Variants in CDC42EP3 observed in about 807,000 individuals in gnomAD.
The protein encoded by CDC42EP3 is CDC42 effector protein (Rho GTPase binding) 3.
Under a neutral mutation model 15.5 loss-of-function variants are expected in CDC42EP3, and 4 were observed. The ratio of observed to expected loss-of-function variants is 0.26; its 90% CI spans 0.13 to 0.59. The LOEUF (loss-of-function observed/expected upper bound fraction) is 0.59. Ranked by LOEUF, CDC42EP3 falls within the 20% of genes least tolerant of loss-of-function variation. The pLI is 0.89. For synonymous variants in CDC42EP3, 145 were observed against 130.3 expected, an observed-to-expected ratio of 1.11 and a Z score of -0.77; for missense variants, 309 against 311.2, an observed-to-expected ratio of 0.99 and a Z score of 0.05.
intron 1 of CDC42EP3, among the ~76,000 whole-genome samples, chr2:37,655,260 A>G (rs1229130094): frequency 6.6e-6 from 1 of 152,224 alleles, no homozygotes; most frequent in East Asian, 1.9e-4. Flanking sequence ...CTCACCTTCC[A>G]TTATTTTAAA....
rs192640254 is a variant in CDC42EP3, at chr2:37,653,202, G to A, written c.-235-6380C>T. On this transcript the variant is annotated intron_variant, in intron 1 of 1. Transcript: ENST00000295324. ...AGCTTGCCAGTCAGTCATGTGGCAG[G>A]TCAGAGAGAACACATGTGGCAGGCA... Among the ~76,000 whole-genome samples the A allele has an allele frequency of 3.3e-5, 5 of 152,282 alleles. No homozygotes were observed. In the East Asian group the frequency reaches 9.6e-4, roughly 29 times the overall value.
At chr2:37,652,904 C>G (rs1435383990) in intron 1 of CDC42EP3, among the ~76,000 whole-genome samples, 1 of 152,128 alleles carries the variant, frequency 6.6e-6, no homozygotes, top group Non-Finnish European at 1.5e-5. Context: ...TCTACTCCCA[C>G]TATCTTACCT....
intron 1 of CDC42EP3, among the ~76,000 whole-genome samples, chr2:37,667,530 G>C (rs1162609605): frequency 6.6e-6 from 1 of 152,072 alleles, no homozygotes; most frequent in Non-Finnish European, 1.5e-5. Context: ...TCACCATATA[G>C]TCCCACATTT....
At chr2:37,649,281 T>A (rs556587109) in intron 1 of CDC42EP3, among the ~76,000 whole-genome samples, 1 of 151,386 alleles carries the variant, frequency 6.6e-6, no homozygotes, top group South Asian at 2.1e-4. Flanking sequence ...TGGGACCTCA[T>A]CTCTACAAAA....
chr2:37,645,893 A>T lies in CDC42EP3; in HGVS notation c.695T>A (p.Leu232His). Residue 232 changes from leucine to histidine, a missense_variant, in exon 2 of 2, where the codon CTC becomes CAC. By Grantham distance (99) the Leu-to-His change is moderately conservative. Transcript: ENST00000295324. ...GGGCCCAAGATCAAGCTGCAGGGAGAGGAGGGAACCTGTAAGGTCAGAGAG... is the reference window on the plus strand; with the variant it reads ...GGGCCCAAGATCAAGCTGCAGGGAGTGGAGGGAACCTGTAAGGTCAGAGAG... ...ESLSDLTGSLLSLQLDLGPSL... is the reference protein window; with the variant it reads ...ESLSDLTGSLHSLQLDLGPSL... 6.2e-7 allele frequency: 1 copy of T among 1,603,842 alleles called. No homozygotes were observed. The highest frequency in any genetic ancestry group is 1.3e-5 in the African/African-American group (1 of 74,558).
intron 1 of CDC42EP3, among the ~76,000 whole-genome samples, chr2:37,649,963 G>C (rs78124974): frequency 0.013 from 1,956 of 152,290 alleles, 31 homozygotes; most frequent in African/African-American, 0.044. Flanking sequence ...TTTACTGCAT[G>C]ATGGGGCATA....
At chr2:37,668,254 C>G (rs1465909064) in intron 1 of CDC42EP3, among the ~76,000 whole-genome samples, 1 of 152,184 alleles carries the variant, frequency 6.6e-6, no homozygotes, top group Non-Finnish European at 1.5e-5. Flanking sequence ...GACCACTGTA[C>G]TATCTCTCTC....
intron 1 of CDC42EP3, among the ~76,000 whole-genome samples, chr2:37,661,648 C>T (rs1464012273): frequency 1.3e-5 from 2 of 152,154 alleles, no homozygotes; most frequent in African/African-American, 4.8e-5. Context: ...GCGTTATAAA[C>T]TGGACGGCAA....
rs1005952500 is a variant in CDC42EP3 at position 37,644,912 on chromosome 2, A to G, written c.*911T>C. 20 of 152,346 alleles carry G rather than the reference A, an allele frequency of 1.3e-4. No individual in the cohort carries two copies. The highest frequency in any genetic ancestry group is 2.8e-4 in the Non-Finnish European group (19 of 68,032). The allele number at this position is 152,346 out of a possible 1,614,324, so 9.4% of individuals were successfully genotyped here. On this transcript the variant is annotated 3_prime_UTR_variant, in exon 2 of 2. Transcript: ENST00000295324. ...AAGTATGTACTGTACTAAAATACCTATATTTCCAAATAACATATGTGGTGT... is the reference window on the plus strand; with the variant it reads ...AAGTATGTACTGTACTAAAATACCTGTATTTCCAAATAACATATGTGGTGT...
intron 1 of CDC42EP3, among the ~76,000 whole-genome samples, chr2:37,664,256 C>G (rs1666182645): frequency 6.6e-6 from 1 of 152,192 alleles, no homozygotes; most frequent in Non-Finnish European, 1.5e-5. Flanking sequence ...ATTTTTCTCC[C>G]GTGCTGGATG....
At chr2:37,647,522 GCTTCA>G (rs1665516821) in intron 1 of CDC42EP3, 1 of 152,236 alleles carries the variant, frequency 6.6e-6, no homozygotes, top group South Asian at 2.1e-4. Flanking sequence ...GAACAAAACT[GCTTCA>G]CTTCAAAGAG....
intron 1 of CDC42EP3, among the ~76,000 whole-genome samples, chr2:37,652,765 G>C (rs1665731583): frequency 6.6e-6 from 1 of 151,728 alleles, no homozygotes; most frequent in South Asian, 2.1e-4. Context: ...TAGAACAAGG[G>C]GTCTTGCCAT....
At chr2:37,650,112 C>G (rs2124614858) in intron 1 of CDC42EP3, among the ~76,000 whole-genome samples, 1 of 152,290 alleles carries the variant, frequency 6.6e-6, no homozygotes, top group East Asian at 1.9e-4. Context: ...GTTTGTGCTG[C>G]TGGGAAAGTA....
chr2:37,656,118 C>A (rs1665837882), intron 1 of CDC42EP3, among the ~76,000 whole-genome samples: 1 of 152,222 alleles, frequency 6.6e-6, no homozygotes, highest in Admixed American at 6.5e-5. Context: ...CTAGGGCTGT[C>A]TACAATAATC....
At chr2:37,663,194 C>CA (rs994059367) in intron 1 of CDC42EP3, among the ~76,000 whole-genome samples, 2 of 150,840 alleles carry the variant, frequency 1.3e-5, no homozygotes, top group African/African-American at 4.9e-5. Context: ...CAAAACAAAA[C>CA]AAAAAAAACA....
intron 1 of CDC42EP3, among the ~76,000 whole-genome samples, chr2:37,650,313 C>G (rs1395120742): frequency 6.6e-6 from 1 of 152,188 alleles, no homozygotes; most frequent in Non-Finnish European, 1.5e-5. Flanking sequence ...TGATCAGTTT[C>G]CCCTTCTGCT....
At position 37,653,897 on chromosome 2, in the gene CDC42EP3, G is replaced by A. The variant is rs149713568; in HGVS notation, c.-235-7075C>T. ...GCGGCTCTGTTCTTTTCTCCTCCTTGCAGGAAGTGAGCCTGCATCCGACTT... is the reference window on the plus strand; with the variant it reads ...GCGGCTCTGTTCTTTTCTCCTCCTTACAGGAAGTGAGCCTGCATCCGACTT... On this transcript the variant is annotated intron_variant, in intron 1 of 1. Transcript: ENST00000295324. 2.7e-3 allele frequency among the ~76,000 whole-genome samples: 412 copies of A among 152,282 alleles called. 1 individual carries two copies. The highest frequency in any genetic ancestry group is 9.4e-3 in the African/African-American group (391 of 41,544).
intron 1 of CDC42EP3, among the ~76,000 whole-genome samples, chr2:37,652,284 C>T (rs992716265): frequency 2.0e-5 from 3 of 151,858 alleles, no homozygotes; most frequent in Non-Finnish European, 2.9e-5. Flanking sequence ...CAGGGGAACC[C>T]CAGGGCTTTG....
chr2:37,670,023 G>A (rs1261469937), intron 1 of CDC42EP3, among the ~76,000 whole-genome samples: 1 of 152,172 alleles, frequency 6.6e-6, no homozygotes, highest in Non-Finnish European at 1.5e-5. Context: ...GTATGAAAGA[G>A]TAGACTTCTG....
Sources: allele counts gnomAD v4.1 joint callset (sites outside exome capture counted in the v4.1 genomes callset), GRCh38; gene constraint gnomAD v4.1.1; transcripts MANE v1.5; gene names NCBI Gene and HGNC (gene_info 2026-07-23, HGNC 2026-07-21).